The following LMO7 variants were observed in gnomAD, a reference collection of about 807,000 sequenced individuals.
LMO7 encodes the protein LIM domain 7.
LMO7 carries 120 observed loss-of-function variants against 206.5 expected under a neutral mutation model. The ratio of observed to expected loss-of-function variants is 0.58; its 90% CI spans 0.50 to 0.68. LMO7 has a LOEUF of 0.68. LMO7 is among the 30% of genes least tolerant of loss of function. LMO7 has a pLI of 0.00. For missense variants in LMO7, 1,959 were observed against 1,957.9 expected (o/e 1.00, Z -0.01); for synonymous variants, 706 against 681.5 (o/e 1.04, Z -0.56).
chr13:75,633,605 T>C (rs2035293282), upstream of LMO7, among the ~76,000 whole-genome samples: 1 of 152,030 alleles, frequency 6.6e-6, no homozygotes, highest in African/African-American at 2.4e-5. Context: ...TAAGGCAATG[T>C]CATTCCAAAA....
intron 1 of LMO7, among the ~76,000 whole-genome samples, chr13:75,637,578 T>G (rs1256865244): frequency 6.6e-6 from 1 of 152,262 alleles, no homozygotes; most frequent in East Asian, 1.9e-4. Context: ...CTGCTGAAAA[T>G]TGAGGCGTGC....
intron 30 of LMO7, 174 bp from the exon 31 acceptor site, chr13:75,857,747 A>G (rs1269342986): frequency 1.7e-5 from 7 of 411,054 alleles, no homozygotes; most frequent in Non-Finnish European, 2.6e-5. Context: ...CAAATAAAGA[A>G]TTCCAGAGAC....
At chr13:75,662,695 C>T (rs1311180146) in intron 1 of LMO7, among the ~76,000 whole-genome samples, 1 of 152,150 alleles carries the variant, frequency 6.6e-6, no homozygotes, top group Admixed American at 6.5e-5. Context: ...GATTATTTAA[C>T]CAGGATTATA....
intron 3 of LMO7, among the ~76,000 whole-genome samples, chr13:75,744,328 T>A (rs957879260): frequency 3.9e-5 from 6 of 152,320 alleles, no homozygotes; most frequent in Middle Eastern, 3.4e-3. Flanking sequence ...TTGGCACAAG[T>A]TTAAGAACAC....
At chr13:75,804,582 C>T (rs758146314) in intron 8 of LMO7, 41 bp downstream of exon 8, 69 of 1,588,770 alleles carry the variant, frequency 4.3e-5, no homozygotes, top group Non-Finnish European at 5.3e-5. Context: ...GTATGCTTTT[C>T]GAATATGGTA....
intron 1 of LMO7, among the ~76,000 whole-genome samples, chr13:75,640,569 T>C (rs1274959151): frequency 6.6e-6 from 1 of 152,208 alleles, no homozygotes; most frequent in Non-Finnish European, 1.5e-5. Flanking sequence ...CTGTCTTACA[T>C]AAATCTCTCT....
intron 11 of LMO7, among the ~76,000 whole-genome samples, chr13:75,809,603 A>G (rs75370985): frequency 0.11 from 17,333 of 152,086 alleles, 1,354 homozygotes; most frequent in Non-Finnish European, 0.15. Flanking sequence ...CATTTACTTC[A>G]AGTTTAGAAT....
chr13:75,780,166 G>T (rs2051111957), intron 4 of LMO7, among the ~76,000 whole-genome samples: 1 of 152,174 alleles, frequency 6.6e-6, no homozygotes, highest in Non-Finnish European at 1.5e-5. Context: ...TGCATGCATT[G>T]TCATTGATAA....
At chr13:75,621,715 C>T in exon 1 of LMO7, 1 of 1,592,460 alleles carries the variant, frequency 6.3e-7, no homozygotes, top group Non-Finnish European at 8.6e-7. Context: ...TAGGATATGC[C>T]ATATTTTCAC....
intron 1 of LMO7, among the ~76,000 whole-genome samples, chr13:75,712,511 A>G (rs2043202153): frequency 6.6e-6 from 1 of 152,166 alleles, no homozygotes; most frequent in Non-Finnish European, 1.5e-5. Flanking sequence ...TTTCACCAAC[A>G]TTATTGGTGG....
Position 75,715,117 on chromosome 13 carries a change from C to G in LMO7, c.140+1865C>G, listed in dbSNP as rs777327773. ...GGGGTCCCACTTTTGGGGCATTGAC[C>G]CCATAAATAGATCATTAAACATGTT... On this transcript the variant is annotated intron_variant, in intron 2 of 30. Coordinates refer to ENST00000377534, the MANE Select transcript of LMO7 (RefSeq NM_001306080.2). Among the ~76,000 whole-genome samples, 6 of 152,024 alleles carry G rather than the reference C, an allele frequency of 3.9e-5. 1 individual carries two copies. Among genetic ancestry groups the G allele is most frequent in the Admixed American group, 6.6e-5 (1 of 15,266 alleles).
chr13:75,848,430 A>ATTAT (rs942415567), intron 26 of LMO7, among the ~76,000 whole-genome samples: 27 of 49,826 alleles, frequency 5.4e-4, no homozygotes, highest in African/African-American at 1.7e-3. Flanking sequence ...ATTCCATGCG[A>ATTAT]TTATCTATCT....
intron 4 of LMO7, among the ~76,000 whole-genome samples, chr13:75,785,078 G>A (rs1321575922): frequency 6.6e-6 from 1 of 152,132 alleles, no homozygotes; most frequent in Non-Finnish European, 1.5e-5. Context: ...AAAAATGGCA[G>A]TGGGGAACTT....
chr13:75,778,453 C>G (rs1367112748), intron 4 of LMO7, among the ~76,000 whole-genome samples: 5 of 152,124 alleles, frequency 3.3e-5, no homozygotes, highest in African/African-American at 1.2e-4. Flanking sequence ...AGGATGGTCT[C>G]GATGTCCTGA....
chr13:75,812,654 T>A (rs1053240891), intron 11 of LMO7, among the ~76,000 whole-genome samples: 2 of 151,992 alleles, frequency 1.3e-5, no homozygotes, highest in Non-Finnish European at 2.9e-5. Flanking sequence ...GAGAAGAGAG[T>A]AAGACTTTAG....
chr13:75,749,206 G>A (rs1036159012), intron 3 of LMO7, among the ~76,000 whole-genome samples: 1 of 152,146 alleles, frequency 6.6e-6, no homozygotes, highest in East Asian at 1.9e-4. Flanking sequence ...TGCACTAAAG[G>A]TGCCCCAATT....
chr13:75,853,027 ATGAAT>A (rs2060619098), intron 27 of LMO7, 60 bp from the exon 28 acceptor site: 13 of 1,299,486 alleles, frequency 1.0e-5, no homozygotes, highest in South Asian at 1.4e-5. Context: ...GAATGGAATG[ATGAAT>A]TAAATAGATT....
chr13:75,852,124 G>A (rs1314451361), intron 27 of LMO7, among the ~76,000 whole-genome samples: 1 of 152,128 alleles, frequency 6.6e-6, no homozygotes, highest in Non-Finnish European at 1.5e-5. Flanking sequence ...TAAAGGATAA[G>A]TATCAATCTT....
chr13:75,783,721 A>G (rs1002432652), intron 4 of LMO7, among the ~76,000 whole-genome samples: 4 of 152,216 alleles, frequency 2.6e-5, no homozygotes, highest in African/African-American at 9.6e-5. Context: ...TGGCTCTACT[A>G]AATTGTAATT....
Sources: allele counts gnomAD v4.1 joint callset (sites outside exome capture counted in the v4.1 genomes callset), GRCh38; gene constraint gnomAD v4.1.1; transcripts MANE v1.5; gene names NCBI Gene and HGNC (gene_info 2026-07-23, HGNC 2026-07-21).